The following CAMKMT variants were observed in gnomAD, a reference collection of about 807,000 sequenced individuals.
CAMKMT encodes the protein CaM KMT.
Under a neutral mutation model 48.0 loss-of-function variants are expected in CAMKMT, and 53 were observed. The observed-to-expected ratio is 1.10, with a 90% CI of 0.89 to 1.39. CAMKMT has a LOEUF of 1.39. CAMKMT is among the 40% of genes most tolerant of loss of function. The probability of loss-of-function intolerance (pLI) is 0.00; values close to 1 mark genes in which losing one functional copy is unlikely to be tolerated. For synonymous variants in CAMKMT, 165 were observed against 152.3 expected, an observed-to-expected ratio of 1.08 and a Z score of -0.61; for missense variants, 428 against 402.7, an observed-to-expected ratio of 1.06 and a Z score of -0.54.
chr2:44,389,262 A>C (rs943076138), intron 2 of CAMKMT, among the ~76,000 whole-genome samples: 5 of 151,962 alleles, frequency 3.3e-5, no homozygotes, highest in African/African-American at 1.2e-4. Flanking sequence ...ATTAGGGCCC[A>C]CCCTAATGAC....
chr2:44,412,365 TGGCTCTGTC>T (rs1238081494), intron 3 of CAMKMT, among the ~76,000 whole-genome samples: 1 of 152,194 alleles, frequency 6.6e-6, no homozygotes, highest in Non-Finnish European at 1.5e-5. Context: ...AGACAGAGTC[TGGCTCTGTC>T]GCCTAGGCTG....
At chr2:44,672,785 A>ATACCCT (rs1558786057) in intron 3 of CAMKMT, among the ~76,000 whole-genome samples, 7 of 152,228 alleles carry the variant, frequency 4.6e-5, no homozygotes, top group African/African-American at 1.7e-4. Context: ...AAGTACTGTA[A>ATACCCT]GATGTACAAG....
intron 3 of CAMKMT, among the ~76,000 whole-genome samples, chr2:44,470,386 T>C (rs2104648332): frequency 6.6e-6 from 1 of 152,336 alleles, no homozygotes; most frequent in South Asian, 2.1e-4. Context: ...CTTTGTACTC[T>C]CACCTGTGAG....
At chr2:44,518,027 G>C (rs1388632507) in intron 3 of CAMKMT, among the ~76,000 whole-genome samples, 2 of 152,126 alleles carry the variant, frequency 1.3e-5, no homozygotes, top group Admixed American at 6.5e-5. Flanking sequence ...TGGCTCTGGT[G>C]CCAGCCAGTG....
intron 3 of CAMKMT, among the ~76,000 whole-genome samples, chr2:44,529,464 A>G (rs746966359): frequency 3.9e-5 from 6 of 152,208 alleles, no homozygotes; most frequent in Non-Finnish European, 8.8e-5. Context: ...ATTTATGCAT[A>G]TACACTGAAA....
chr2:44,713,888 G>C (rs896687758), intron 6 of CAMKMT, among the ~76,000 whole-genome samples: 1 of 152,116 alleles, frequency 6.6e-6, no homozygotes, highest in Non-Finnish European at 1.5e-5. Context: ...CAGGAAATTT[G>C]TTTTTCTGAG....
intron 3 of CAMKMT, among the ~76,000 whole-genome samples, chr2:44,547,014 G>A (rs1558693067): frequency 6.6e-6 from 1 of 152,090 alleles, no homozygotes; most frequent in African/African-American, 2.4e-5. Flanking sequence ...AATCCCTTGG[G>A]TTGGCTTGCT....
At chr2:44,432,671 A>T (rs141420222) in intron 3 of CAMKMT, among the ~76,000 whole-genome samples, 2 of 152,286 alleles carry the variant, frequency 1.3e-5, no homozygotes, top group Non-Finnish European at 2.9e-5. Flanking sequence ...GATACTTCAG[A>T]TAGAGGCAGA....
rs1263041004 is a variant in CAMKMT at position 44,772,125 on chromosome 2, T to C, written c.*12T>C. 6.2e-7 allele frequency: 1 copy of C among 1,607,062 alleles called. No homozygotes were observed. Among genetic ancestry groups the C allele is most frequent in the Non-Finnish European group, 8.5e-7 (1 of 1,175,520 alleles). On this transcript the variant is annotated 3_prime_UTR_variant, in exon 11 of 11. Coordinates refer to ENST00000378494, the MANE Select transcript of CAMKMT (RefSeq NM_024766.5). ...CCAAACATGGATAGAAGATTAAGCTTCTCAAAGACGAAGAAACGTATCAAG... is the reference window on the plus strand; with the variant it reads ...CCAAACATGGATAGAAGATTAAGCTCCTCAAAGACGAAGAAACGTATCAAG...
intron 3 of CAMKMT, among the ~76,000 whole-genome samples, chr2:44,455,230 C>T (rs1184884861): frequency 3.3e-5 from 5 of 150,864 alleles, no homozygotes; most frequent in African/African-American, 9.7e-5. Context: ...GATTCCAGGA[C>T]GAAGCCTAGA....
chr2:44,430,998 A>G (rs1249775569), intron 3 of CAMKMT, among the ~76,000 whole-genome samples: 1 of 152,208 alleles, frequency 6.6e-6, no homozygotes, highest in Non-Finnish European at 1.5e-5. Context: ...GTTACTTTAA[A>G]ATTTCAGTTA....
At chr2:44,506,115 C>G (rs544274709) in intron 3 of CAMKMT, among the ~76,000 whole-genome samples, 1 of 152,126 alleles carries the variant, frequency 6.6e-6, no homozygotes, top group South Asian at 2.1e-4. Flanking sequence ...CCGTGGCCTC[C>G]CAAAGTGCTA....
chr2:44,527,393 A>ATATG (rs1184915108), intron 3 of CAMKMT, among the ~76,000 whole-genome samples: 2 of 140,048 alleles, frequency 1.4e-5, no homozygotes, highest in Non-Finnish European at 3.0e-5. Flanking sequence ...TATATAATAT[A>ATATG]TATGTATATA....
chr2:44,586,228 A>G (rs1669851403), intron 3 of CAMKMT, among the ~76,000 whole-genome samples: 1 of 152,220 alleles, frequency 6.6e-6, no homozygotes, highest in Non-Finnish European at 1.5e-5. Context: ...TCACTTGGAT[A>G]GAATTTTTTG....
intron 3 of CAMKMT, among the ~76,000 whole-genome samples, chr2:44,488,985 C>T (rs939459317): frequency 2.6e-5 from 4 of 151,768 alleles, no homozygotes; most frequent in Admixed American, 6.6e-5. Context: ...CCTGTCCCCC[C>T]GTCCTGAGGA....
intron 3 of CAMKMT, chr2:44,456,697 T>A (rs764242404): frequency 1.1e-5 from 13 of 1,228,918 alleles, no homozygotes; most frequent in Admixed American, 9.4e-5. Context: ...ATCCTACCTC[T>A]GCTTGTCTTC....
chr2:44,472,051 T>G (rs558535487), intron 3 of CAMKMT, among the ~76,000 whole-genome samples: 2 of 152,272 alleles, frequency 1.3e-5, no homozygotes, highest in Non-Finnish European at 1.5e-5. Flanking sequence ...TTTATGATTC[T>G]TCCTAAAAGA....
At chr2:44,508,814 A>G (rs786406) in intron 3 of CAMKMT, among the ~76,000 whole-genome samples, 108,852 of 152,060 alleles carry the variant, frequency 0.72, 39,125 homozygotes, top group Middle Eastern at 0.79. Context: ...TGTATGTCTC[A>G]GCTGGGTGTG....
intron 3 of CAMKMT, among the ~76,000 whole-genome samples, chr2:44,411,602 C>G (rs182188445): frequency 2.0e-5 from 3 of 152,206 alleles, no homozygotes; most frequent in Non-Finnish European, 4.4e-5. Flanking sequence ...ATCCTGAGTA[C>G]CAGACTTTTT....
Sources: allele counts gnomAD v4.1 joint callset (sites outside exome capture counted in the v4.1 genomes callset), GRCh38; gene constraint gnomAD v4.1.1; transcripts MANE v1.5; gene names NCBI Gene and HGNC (gene_info 2026-07-23, HGNC 2026-07-21).